The following SMARCC2 variants were observed in gnomAD, a reference collection of about 807,000 sequenced individuals.
SMARCC2 encodes SWI/SNF complex subunit SMARCC2.
SMARCC2 carries 15 observed loss-of-function variants against 151.3 expected under a neutral mutation model. The observed-to-expected ratio is 0.10, with a 90% CI of 0.07 to 0.15. The LOEUF is 0.15. SMARCC2 is among the 10% of genes least tolerant of loss of function. SMARCC2 has a pLI of 1.00. For missense variants in SMARCC2, 1,031 were observed against 1,599.7 expected, an observed-to-expected ratio of 0.64 and a Z score of 6.06; for synonymous variants, 590 against 609.5, an observed-to-expected ratio of 0.97 and a Z score of 0.47.
chr12:56,173,861 G>C lies in SMARCC2; in HGVS notation c.1497-12C>G, dbSNP rs1874417503. The C allele has an allele frequency of 6.2e-7, 1 of 1,609,802 alleles. No homozygotes were observed. Among genetic ancestry groups the C allele is most frequent in the Non-Finnish European group, 8.5e-7 (1 of 1,177,410 alleles). The stretch of plus-strand genomic sequence containing the variant: ...GGAAGGCATGGACCCTGTGCAGAGA[G>C]AGGCAGAGACAGGGTCACACGGATA... On this transcript the variant is annotated splice_polypyrimidine_tract_variant and intron_variant, in intron 16 of 28. Transcript: ENST00000550164.
chr12:56,189,437 C>T lies in SMARCC2; in HGVS notation c.25G>A (p.Gly9Ser). 6.6e-7 allele frequency: 1 copy of T among 1,504,982 alleles called. No individual in the cohort carries two copies. Among genetic ancestry groups the T allele is most frequent in the Non-Finnish European group, 8.9e-7 (1 of 1,118,350 alleles). The allele number at this position is 1,504,982 out of a possible 1,614,324, so 93.2% of individuals were successfully genotyped here. The change falls in exon 1 of 29, where the codon GGC becomes AGC. Residue 9 changes from glycine (G) to serine (S), a missense_variant. Coordinates refer to ENST00000550164, the MANE Select transcript of SMARCC2 (RefSeq NM_001330288.2). MAVRKKDG[G>S]PNVKYYEAAD... is the part of the protein sequence containing the mutation. ...GCCTCGTAGTACTTCACGTTGGGGCCGCCGTCCTTCTTCCGCACCGCCATC... is the reference window on the plus strand; with the variant it reads ...GCCTCGTAGTACTTCACGTTGGGGCTGCCGTCCTTCTTCCGCACCGCCATC...
rs1298780945 is a variant in SMARCC2 at position 56,174,755 on chromosome 12, G to A, written c.1392C>T (p.Ala464=). ...NKSKTPEIYL[A]YRNFMIDTYR... ...AAGTGTCAATCATAAAGTTTCGATA[G>A]GCCAGGTAGCTTAGAAGAAAGAGAG... Residue 464 remains alanine, a synonymous_variant, in exon 16 of 29, where the codon GCC becomes GCT. Transcript: ENST00000550164. 6.2e-7 allele frequency: 1 copy of A among 1,604,604 alleles called. No homozygotes were observed. The highest frequency in any genetic ancestry group is 8.5e-7 in the Non-Finnish European group (1 of 1,171,596).
rs148688009 is a variant in SMARCC2, at chr12:56,169,801, G to A, written c.2523C>T (p.Ser841=). 6.9e-4 allele frequency: 1,106 copies of A among 1,613,932 alleles called. 8 individuals carry two copies. In the African/African-American group the frequency reaches 0.013, roughly 19 times the overall value. ...CTATTGGGTCTCCATCACTCTTCTC[G>A]GACTCCTTCTCACTGTCGCCTTCTT... ...KGKEGDSEKE[S]EKSDGDPIVD... is the part of the protein sequence containing the mutation. Residue 841 remains serine, a synonymous_variant, in exon 24 of 29, where the codon TCC becomes TCT. Transcript: ENST00000550164.
intron 15 of SMARCC2, 70 bp from the exon 16 acceptor site, chr12:56,174,834 T>C: frequency 4.0e-6 from 4 of 1,006,384 alleles, no homozygotes; most frequent in Non-Finnish European, 6.3e-6. Context: ...AAGGAAAAAA[T>C]GGTAAGAGAG....
At chr12:56,189,302 C>G in intron 1 of SMARCC2, 49 bp downstream of exon 1, 1 of 1,227,006 alleles carries the variant, frequency 8.1e-7, no homozygotes, top group Non-Finnish European at 1.1e-6. Context: ...GGGCCGCGGT[C>G]CCTTTGTCCC....
intron 6 of SMARCC2, 118 bp from the exon 7 acceptor site, chr12:56,184,048 A>G: frequency 9.7e-7 from 1 of 1,028,572 alleles, no homozygotes; most frequent in Non-Finnish European, 1.5e-6. Context: ...GGTAATAGGA[A>G]CTTAAGGTGG....
intron 22 of SMARCC2, 107 bp from the exon 23 acceptor site, chr12:56,170,315 G>A (rs951848750): frequency 2.2e-5 from 21 of 974,110 alleles, no homozygotes; most frequent in Middle Eastern, 2.3e-4. Flanking sequence ...TGTTGCCCAG[G>A]TTGGTCTCAA....
chr12:56,177,675 C>T (rs1875300265), intron 15 of SMARCC2, among the ~76,000 whole-genome samples: 1 of 152,184 alleles, frequency 6.6e-6, no homozygotes, highest in Non-Finnish European at 1.5e-5. Flanking sequence ...GTAATTTACA[C>T]TTTAATCAAA....
At chr12:56,177,560 C>G (rs1179069272) in intron 15 of SMARCC2, among the ~76,000 whole-genome samples, 1 of 152,150 alleles carries the variant, frequency 6.6e-6, no homozygotes, top group Non-Finnish European at 1.5e-5. Context: ...ACACTTCTTT[C>G]CCAGTGAGCC....
In SMARCC2 at chr12:56,172,710, T is replaced by C. The variant is rs1874186578; in HGVS notation, c.1744-6A>G. ...TGTTGGGAAGCAGAGGTCTGCTATT[T>C]GTGGAGGGAAAGAAACAGGTGAGTA... On this transcript the variant is annotated splice_region_variant and splice_polypyrimidine_tract_variant and intron_variant, in intron 18 of 28. Coordinates refer to ENST00000550164, the MANE Select transcript of SMARCC2 (RefSeq NM_001330288.2). The C allele has an allele frequency of 6.2e-7, 1 of 1,614,036 alleles. No homozygotes were observed. Among genetic ancestry groups the C allele is most frequent in the Non-Finnish European group, 8.5e-7 (1 of 1,180,026 alleles).
At chr12:56,170,323 CAA>C in intron 22 of SMARCC2, 115 bp from the exon 23 acceptor site, 1 of 880,688 alleles carries the variant, frequency 1.1e-6, no homozygotes, top group Non-Finnish European at 1.8e-6. Flanking sequence ...AGGTTGGTCT[CAA>C]ACTCCTGGGC....
intron 7 of SMARCC2, among the ~76,000 whole-genome samples, chr12:56,182,513 C>G (rs142711390): frequency 1.3e-4 from 19 of 151,448 alleles, no homozygotes; most frequent in Admixed American, 3.3e-4. Flanking sequence ...TTAGTACAGA[C>G]GGGGTTTCAC....
chr12:56,163,709 G>C lies in SMARCC2; in HGVS notation c.3718C>G (p.Pro1240Ala). The C allele has an allele frequency of 6.6e-7, 1 of 1,508,216 alleles. No individual in the cohort carries two copies. Among genetic ancestry groups the C allele is most frequent in the African/African-American group, 1.5e-5 (1 of 68,080 alleles). 93.4% of individuals were successfully genotyped at this position (1,508,216 alleles called of 1,614,324 possible). Residue 1240 changes from proline (P) to alanine (A), a missense_variant, in exon 29 of 29, where the codon CCT (proline) becomes GCT (alanine). By Grantham distance (27) the Pro-to-Ala change is conservative. Coordinates refer to ENST00000550164, the MANE Select transcript of SMARCC2 (RefSeq NM_001330288.2). ...PTAPSPGTVT[P>A]VPPPQ ...GCTCCTCACTGTGGAGGTGGCACAG[G>C]GGTGACCGTGCCTGGGCTCGGGGCT...
At chr12:56,166,540 C>G (rs1444881157) in intron 26 of SMARCC2, among the ~76,000 whole-genome samples, 1 of 151,316 alleles carries the variant, frequency 6.6e-6, no homozygotes, top group Admixed American at 6.6e-5. Context: ...CATTTGATGT[C>G]TCCCATTAAA....
At position 56,179,008 on chromosome 12, in the gene SMARCC2, A is replaced by T. The variant is rs1418292846; in HGVS notation, c.1130T>A (p.Met377Lys). ...SESAPVKGGT[M>K]TDLDEQEDES... ...GGCTCCTGTCTTACCCAGGTCGGTCATGGTGCCGCCTTTGACTGGGGCCGA... is the reference window on the plus strand; with the variant it reads ...GGCTCCTGTCTTACCCAGGTCGGTCTTGGTGCCGCCTTTGACTGGGGCCGA... The change falls in exon 12 of 29, where the codon ATG becomes AAG. Residue 377 changes from methionine (M) to lysine (K), a missense_variant. Physicochemically the swap from Met to Lys is moderately conservative, Grantham distance 95. Transcript: ENST00000550164. The T allele has an allele frequency of 6.2e-7, 1 of 1,614,156 alleles. No individual in the cohort carries two copies. The highest frequency in any genetic ancestry group is 8.5e-7 in the Non-Finnish European group (1 of 1,180,004).
At position 56,171,975 on chromosome 12, in the gene SMARCC2, G is replaced by A. The variant is rs767823701; in HGVS notation, c.1927-38C>T. The A allele has an allele frequency of 3.9e-6, 6 of 1,554,562 alleles. No homozygotes were observed. The highest frequency in any genetic ancestry group is 5.2e-6 in the Non-Finnish European group (6 of 1,149,094). On this transcript the variant is annotated intron_variant, in intron 20 of 28. Coordinates refer to ENST00000550164, the MANE Select transcript of SMARCC2 (RefSeq NM_001330288.2). This position sits in a 1 kb window ranked among gnomAD's most constrained non-coding sequence, Gnocchi z 4.2. ...GTGGAGACATAACTCCGCTTACTTAGCCACTTTTCTCGAAGGCTGACTCCC... is the reference window on the plus strand; with the variant it reads ...GTGGAGACATAACTCCGCTTACTTAACCACTTTTCTCGAAGGCTGACTCCC...
At chr12:56,172,844 T>C in intron 18 of SMARCC2, 93 bp downstream of exon 18, 7 of 1,560,950 alleles carry the variant, frequency 4.5e-6, no homozygotes, top group Non-Finnish European at 6.1e-6. Flanking sequence ...CTTACTGCTG[T>C]AGTTCCTCTG....
chr12:56,170,777 G>A (rs1049908111), intron 22 of SMARCC2, among the ~76,000 whole-genome samples: 3 of 141,714 alleles, frequency 2.1e-5, no homozygotes, highest in Non-Finnish European at 4.5e-5. Flanking sequence ...CTGTTGCCCA[G>A]GCTGGAGTGC....
chr12:56,182,112 A>G (rs1876334059), intron 7 of SMARCC2, 33 bp from the exon 8 acceptor site: 1 of 1,461,290 alleles, frequency 6.8e-7, no homozygotes, highest in Non-Finnish European at 9.5e-7. Flanking sequence ...CAGTAGAATC[A>G]ATGGGATAGA....
Sources: allele counts gnomAD v4.1 joint callset (sites outside exome capture counted in the v4.1 genomes callset), GRCh38; gene constraint gnomAD v4.1.1; non-coding constraint Gnocchi (gnomAD v3.1); transcripts MANE v1.5; gene names NCBI Gene and HGNC (gene_info 2026-07-23, HGNC 2026-07-21).